The following TPD52 variants were observed in gnomAD, a reference collection of about 807,000 sequenced individuals.
The protein encoded by TPD52 is tumor protein D52.
A neutral mutation model predicts 31.3 loss-of-function variants in TPD52; 17 were observed. The observed-to-expected ratio is 0.54, with a 90% CI of 0.37 to 0.82. TPD52 has a LOEUF of 0.82. Among genes scored for constraint, TPD52 ranks in the 40% least tolerant of loss-of-function variants. The pLI is 0.00. For missense variants in TPD52, 212 were observed against 240.1 expected, an observed-to-expected ratio of 0.88 and a Z score of 0.77; for synonymous variants, 83 against 89.6, an observed-to-expected ratio of 0.93 and a Z score of 0.42.
chr8:80,106,933 G>C (rs1408589609), intron 1 of TPD52, among the ~76,000 whole-genome samples: 2 of 150,384 alleles, frequency 1.3e-5, no homozygotes, highest in Non-Finnish European at 3.0e-5. Flanking sequence ...CTCACTGCAA[G>C]ATCTGCCTCC....
At chr8:80,113,742 G>C (rs1807667651) in intron 1 of TPD52, among the ~76,000 whole-genome samples, 1 of 152,116 alleles carries the variant, frequency 6.6e-6, no homozygotes, top group Admixed American at 6.6e-5. Flanking sequence ...TGGAAGTAGA[G>C]AGTAGAAACT....
intron 1 of TPD52, among the ~76,000 whole-genome samples, chr8:80,094,430 TTATATA>T (rs61266725): frequency 0.031 from 1,638 of 53,230 alleles, 26 homozygotes; most frequent in Non-Finnish European, 0.043. Flanking sequence ...AAAGAAAATT[TTATATA>T]TATATATATA....
chr8:80,106,247 A>G (rs1462987228), intron 1 of TPD52, among the ~76,000 whole-genome samples: 1 of 152,224 alleles, frequency 6.6e-6, no homozygotes, highest in East Asian at 1.9e-4. Context: ...TATAACACAA[A>G]GGACAATCCA....
chr8:80,102,318 G>A (rs914493365), intron 1 of TPD52, among the ~76,000 whole-genome samples: 2 of 152,128 alleles, frequency 1.3e-5, no homozygotes, highest in Admixed American at 6.5e-5. Flanking sequence ...TTCTCCTCTC[G>A]ATGTTGACCT....
intron 1 of TPD52, among the ~76,000 whole-genome samples, chr8:80,147,291 C>G (rs955181797): frequency 6.6e-6 from 1 of 152,090 alleles, no homozygotes; most frequent in Non-Finnish European, 1.5e-5. Flanking sequence ...AACCATGCAT[C>G]TCAGCAAAAA....
At position 80,169,141 on chromosome 8, in the gene TPD52, C is replaced by A. The variant is rs540367144; in HGVS notation, c.19+2284G>T. 3.3e-5 allele frequency among the ~76,000 whole-genome samples: 5 copies of A among 152,262 alleles called. No homozygotes were observed. In the South Asian group the frequency reaches 1.0e-3, roughly 32 times the overall value. The stretch of plus-strand genomic sequence containing the variant: ...CTGGGACTACAGGCCGGTGCCACCG[C>A]GCCGAGCTAATTTTTGTATTTTTAG... On this transcript the variant is annotated intron_variant, in intron 1 of 7. Transcript: ENST00000518937.
chr8:80,123,072 C>A (rs1726261262), intron 1 of TPD52: 1 of 152,376 alleles, frequency 6.6e-6, no homozygotes, highest in South Asian at 2.1e-4. Context: ...CAGAAAGGCA[C>A]CAGCTGACTT....
intron 1 of TPD52, among the ~76,000 whole-genome samples, chr8:80,170,644 G>A (rs118151091): frequency 1.3e-5 from 2 of 149,604 alleles, no homozygotes; most frequent in Non-Finnish European, 3.0e-5. Flanking sequence ...TTTTAAAAGC[G>A]TGCCACACAC....
chr8:80,057,564 A>T (rs904819953), intron 2 of TPD52, among the ~76,000 whole-genome samples: 1 of 152,218 alleles, frequency 6.6e-6, no homozygotes, highest in African/African-American at 2.4e-5. Context: ...AATTAACACA[A>T]AAATGGAAAA....
chr8:80,094,028 C>CAGTTATTA (rs1816496099), intron 1 of TPD52, among the ~76,000 whole-genome samples: 1 of 152,142 alleles, frequency 6.6e-6, no homozygotes, highest in South Asian at 2.1e-4. Flanking sequence ...GTATTAATCA[C>CAGTTATTA]TGTGAAGGCT....
intron 1 of TPD52, among the ~76,000 whole-genome samples, chr8:80,151,002 T>C (rs1800825949): frequency 1.3e-5 from 2 of 152,106 alleles, no homozygotes; most frequent in Admixed American, 1.3e-4. Flanking sequence ...CCCACCCAAA[T>C]CTCATCTTGA....
intron 1 of TPD52, chr8:80,080,415 C>T (rs755847637): frequency 6.2e-7 from 1 of 1,614,182 alleles, no homozygotes; most frequent in South Asian, 1.1e-5. Flanking sequence ...CAAACGGGGA[C>T]TGGTAGTCCT....
chr8:80,078,578 C>T (rs529482657), intron 1 of TPD52, among the ~76,000 whole-genome samples: 1 of 152,254 alleles, frequency 6.6e-6, no homozygotes, highest in East Asian at 1.9e-4. Flanking sequence ...TTCCAGGCCC[C>T]CACTTTTATT....
Position 80,074,326 on chromosome 8 carries a change from A to G in TPD52, c.20-9733T>C, listed in dbSNP as rs143166569. Among the ~76,000 whole-genome samples, 56 of 152,368 alleles carry G rather than the reference A, an allele frequency of 3.7e-4. No homozygotes were observed. In the East Asian group the frequency reaches 0.011, roughly 29 times the overall value. ...TAGTGGTAACATCCAGAAAGATCAC[A>G]GGATGTTTTTTCCCCATGTTAAGTC... is the stretch of plus-strand genomic sequence containing the variant. On this transcript the variant is annotated intron_variant, in intron 1 of 7. Coordinates refer to ENST00000518937, the MANE Select transcript of TPD52 (RefSeq NM_001025253.3).
intron 1 of TPD52, among the ~76,000 whole-genome samples, chr8:80,135,648 C>T (rs373552662): frequency 0.017 from 2,583 of 150,256 alleles, 51 homozygotes; most frequent in African/African-American, 0.06. Flanking sequence ...ACCCAAAGGA[C>T]TATAAATCAT....
chr8:80,112,918 G>A (rs1348951277), intron 1 of TPD52, among the ~76,000 whole-genome samples: 1 of 152,060 alleles, frequency 6.6e-6, no homozygotes, highest in African/African-American at 2.4e-5. Context: ...ATTGGGGATG[G>A]GAACCAAGTC....
chr8:80,071,391 TTGTCC>T (rs1250539999), intron 1 of TPD52, among the ~76,000 whole-genome samples: 4 of 152,112 alleles, frequency 2.6e-5, no homozygotes, highest in Non-Finnish European at 5.9e-5. Context: ...GCCCTATAAC[TTGTCC>T]TGGCAATTGC....
intron 1 of TPD52, among the ~76,000 whole-genome samples, chr8:80,163,991 G>A (rs1811533506): frequency 1.5e-5 from 2 of 136,076 alleles, no homozygotes; most frequent in Non-Finnish European, 3.1e-5. Context: ...ATTGAATAAA[G>A]AAACAGACCA....
chr8:80,059,833 A>G (rs1346845889), intron 2 of TPD52, among the ~76,000 whole-genome samples: 3 of 152,126 alleles, frequency 2.0e-5, no homozygotes, highest in African/African-American at 7.2e-5. Context: ...CAGCCTGGGC[A>G]ACGGAGTGAG....
Sources: allele counts gnomAD v4.1 joint callset (sites outside exome capture counted in the v4.1 genomes callset), GRCh38; gene constraint gnomAD v4.1.1; transcripts MANE v1.5; gene names NCBI Gene and HGNC (gene_info 2026-07-23, HGNC 2026-07-21).